Variants in ATRIP observed in about 807,000 individuals in gnomAD.
The protein encoded by ATRIP is ATR-interacting protein.
Under a neutral mutation model 78.1 loss-of-function variants are expected in ATRIP, and 44 were observed. That is an observed-to-expected ratio of 0.56 (90% CI 0.44 to 0.72). ATRIP has a LOEUF of 0.72. Ranked by LOEUF, ATRIP falls within the 30% of genes least tolerant of loss-of-function variation. ATRIP has a pLI of 0.00. For missense variants in ATRIP, 927 were observed against 980.2 expected (o/e 0.95, Z 0.72); for synonymous variants, 388 against 408.9 (o/e 0.95, Z 0.62).
intron 3 of ATRIP, among the ~76,000 whole-genome samples, chr3:48,453,241 C>T (rs1356664303): frequency 6.6e-6 from 1 of 152,174 alleles, no homozygotes; most frequent in African/African-American, 2.4e-5. Flanking sequence ...GTATCCAGTA[C>T]CTACTACAAC....
intron 3 of ATRIP, among the ~76,000 whole-genome samples, chr3:48,452,652 G>A (rs1167671527): frequency 6.6e-6 from 1 of 152,048 alleles, no homozygotes; most frequent in Non-Finnish European, 1.5e-5. Flanking sequence ...CCATGATCAT[G>A]CCATTGTACT....
At chr3:48,454,241 C>T in intron 3 of ATRIP, 59 bp from the exon 4 acceptor site, 2 of 956,648 alleles carry the variant, frequency 2.1e-6, no homozygotes, top group Non-Finnish European at 1.7e-6. Flanking sequence ...TTTTGAAGCC[C>T]AGAGATATTT....
At chr3:48,455,772 A>G (rs2039939903) in intron 4 of ATRIP, among the ~76,000 whole-genome samples, 1 of 151,914 alleles carries the variant, frequency 6.6e-6, no homozygotes, top group African/African-American at 2.4e-5. Context: ...TGTTGGGATT[A>G]CAAGGGTGAG....
intron 6 of ATRIP, 45 bp from the exon 7 acceptor site, chr3:48,459,742 G>C: frequency 1.3e-6 from 2 of 1,594,418 alleles, no homozygotes; most frequent in Non-Finnish European, 1.7e-6. Context: ...CCACCGAAAA[G>C]ATCTCCCATG....
chr3:48,466,721 T>G lies in ATRIP; in HGVS notation c.*1167T>G. On this transcript the variant is annotated 3_prime_UTR_variant, in exon 13 of 13. Coordinates refer to ENST00000320211, the MANE Select transcript of ATRIP (RefSeq NM_130384.3). ...TCATCTTTTTCGACATGGAGGCCAC[T>G]GGCTTGCCCTTCTCCCAGCCCAAGG... 1 of 1,614,058 alleles carries G rather than the reference T, an allele frequency of 6.2e-7. No homozygotes were observed. The highest frequency in any genetic ancestry group is 8.5e-7 in the Non-Finnish European group (1 of 1,180,018).
chr3:48,451,970 A>C, intron 3 of ATRIP, 71 bp downstream of exon 3: 3 of 1,425,100 alleles, frequency 2.1e-6, no homozygotes, highest in Non-Finnish European at 2.8e-6. Context: ...GTTGCCTGTA[A>C]ATCTTCCAGG....
In ATRIP at chr3:48,463,787, A is replaced by G. The variant is rs2040185245; in HGVS notation, c.1788A>G (p.Pro596=). ...VFQVLPKCLS[P]ETPLPSVLLA... ...AAGTGCTGCCAAAGTGCCTCAGCCC[A>G]GAGACACCCCTGCCTAGCGTGCTGC... Residue 596 remains proline (P), a synonymous_variant, in exon 9 of 13, where the codon CCA becomes CCG. Coordinates refer to ENST00000320211, the MANE Select transcript of ATRIP (RefSeq NM_130384.3). The G allele has an allele frequency of 6.2e-7, 1 of 1,614,174 alleles. No homozygotes were observed. The highest frequency in any genetic ancestry group is 8.5e-7 in the Non-Finnish European group (1 of 1,180,014).
rs1170856343 is a variant in ATRIP, at chr3:48,466,181, GGGCGGGCCTGGCTCACGTGGGCCTGTA to G, written c.*636_*662del. ...GACAGACCAGGCAGGCTGACGAGCA[GGGCGGGCCTGGCTCACGTGGGCCTGTA>G]GGCGGGCCCACGCCAAGTTTCACTT... On this transcript the variant is annotated 3_prime_UTR_variant, in exon 13 of 13. Coordinates refer to ENST00000320211, the MANE Select transcript of ATRIP (RefSeq NM_130384.3). 3 of 520,164 alleles carry G rather than the reference GGGCGGGCCTGGCTCACGTGGGCCTGTA, an allele frequency of 5.8e-6. No individual in the cohort carries two copies. The highest frequency in any genetic ancestry group is 3.5e-5 in the East Asian group (1 of 28,778). 32.2% of individuals were successfully genotyped at this position (520,164 alleles called of 1,614,324 possible).
chr3:48,465,358 T>C, intron 12 of ATRIP, 129 bp from the exon 13 acceptor site: 2 of 982,142 alleles, frequency 2.0e-6, no homozygotes, highest in East Asian at 2.6e-5. Context: ...TTGCAGTAGC[T>C]GAGGGAGCAG....
In ATRIP at chr3:48,459,385, G is replaced by T; in HGVS notation, c.856G>T (p.Asp286Tyr). 6.2e-7 allele frequency: 1 copy of T among 1,614,068 alleles called. No individual in the cohort carries two copies. The highest frequency in any genetic ancestry group is 1.1e-5 in the South Asian group (1 of 91,070). Residue 286 changes from aspartate (D) to tyrosine (Y), a missense_variant, in exon 6 of 13, where the codon GAC becomes TAC. Asp to Tyr is a radical substitution (Grantham distance 160). Transcript: ENST00000320211. ...EDSKPHSLRGDSIKQEEAQKS... is the reference protein window; with the variant it reads ...EDSKPHSLRGYSIKQEEAQKS... ...TAGTAAGCCCCACAGTCTGAGAGGTGACTCCATAAAACAAGAAGAGGCCCA... is the reference window on the plus strand; with the variant it reads ...TAGTAAGCCCCACAGTCTGAGAGGTTACTCCATAAAACAAGAAGAGGCCCA...
At position 48,464,026 on chromosome 3, in the gene ATRIP, C is replaced by T. The variant is rs370016093; in HGVS notation, c.1883-15C>T. The T allele has an allele frequency of 1.4e-5, 23 of 1,611,396 alleles. No homozygotes were observed. The highest frequency in any genetic ancestry group is 5.3e-5 in the African/African-American group (4 of 74,824). ...GAAAGGGCACCCTGAGTGAGAGGTG[C>T]GCTGTCCTTTTCAGAAGGCTGCCTC... is the stretch of plus-strand genomic sequence containing the variant. On this transcript the variant is annotated splice_polypyrimidine_tract_variant and intron_variant, in intron 9 of 12. Coordinates refer to ENST00000320211, the MANE Select transcript of ATRIP (RefSeq NM_130384.3).
chr3:48,459,992 C>T, intron 7 of ATRIP, 76 bp downstream of exon 7: 4 of 1,562,154 alleles, frequency 2.6e-6, no homozygotes, highest in Non-Finnish European at 3.5e-6. Flanking sequence ...CCCTGGCCAG[C>T]CTGAGAAGTC....
chr3:48,449,911 C>T lies in ATRIP; in HGVS notation c.248-126C>T, dbSNP rs544712272. 137 of 1,056,130 alleles carry T rather than the reference C, an allele frequency of 1.3e-4. 1 individual carries two copies. The highest frequency in any genetic ancestry group is 5.7e-4 in the Middle Eastern group (2 of 3,480). The allele number at this position is 1,056,130 out of a possible 1,614,324, so 65.4% of individuals were successfully genotyped here. Reference sequence around the variant, plus strand: ...AGTGATCACACCACTGCACTCCAACCTGGGTAACAGAGCAAGACCCTATCT... The same window carrying T: ...AGTGATCACACCACTGCACTCCAACTTGGGTAACAGAGCAAGACCCTATCT... On this transcript the variant is annotated intron_variant, in intron 1 of 12. Coordinates refer to ENST00000320211, the MANE Select transcript of ATRIP (RefSeq NM_130384.3).
intron 4 of ATRIP, 21 bp downstream of exon 4, chr3:48,454,439 A>G (rs753090362): frequency 1.7e-5 from 27 of 1,563,510 alleles, no homozygotes; most frequent in Non-Finnish European, 2.2e-5. Context: ...TGCTGGAGGG[A>G]TAGTTCAGTT....
intron 7 of ATRIP, 34 bp from the exon 8 acceptor site, chr3:48,460,076 C>T (rs375560807): frequency 1.0e-5 from 16 of 1,583,464 alleles, no homozygotes; most frequent in Admixed American, 1.8e-5. Context: ...CTCCATCCCA[C>T]ACTTAATCTA....
intron 3 of ATRIP, among the ~76,000 whole-genome samples, chr3:48,453,979 C>T (rs1192435178): frequency 6.6e-6 from 1 of 151,870 alleles, no homozygotes; most frequent in East Asian, 1.9e-4. Flanking sequence ...AGGCTGGTCT[C>T]GAACTCCTGG....
In ATRIP at chr3:48,446,903, C is replaced by T. The variant is rs750978381; in HGVS notation, c.58C>T (p.Pro20Ser). The T allele has an allele frequency of 8.6e-6, 12 of 1,388,578 alleles. No homozygotes were observed. In the East Asian group the frequency reaches 1.1e-4, roughly 13 times the overall value. 86.0% of individuals were successfully genotyped at this position (1,388,578 alleles called of 1,614,324 possible). ...KRRSEPPAPR[P>S]GPPPGTGHPP... is the part of the protein sequence containing the mutation. ...GCGGAGCGAGCCCCCGGCGCCTCGC[C>T]CCGGCCCGCCGCCGGGCACCGGGCA... Residue 20 changes from proline (P) to serine (S), a missense_variant, in exon 1 of 13, where the codon CCC becomes TCC. Coordinates refer to ENST00000320211, the MANE Select transcript of ATRIP (RefSeq NM_130384.3).
Position 48,466,581 on chromosome 3 carries a change from C to T in ATRIP, c.*1027C>T, listed in dbSNP as rs1242427237. On this transcript the variant is annotated 3_prime_UTR_variant, in exon 13 of 13. Coordinates refer to ENST00000320211, the MANE Select transcript of ATRIP (RefSeq NM_130384.3). ...ACCCCCTACCCCACTCCCTCCCCTTCGGATCTTAACACTGGGCACTCACAC... is the reference window on the plus strand; with the variant it reads ...ACCCCCTACCCCACTCCCTCCCCTTTGGATCTTAACACTGGGCACTCACAC... 16 of 1,613,690 alleles carry T rather than the reference C, an allele frequency of 9.9e-6. No homozygotes were observed. The highest frequency in any genetic ancestry group is 3.3e-4 in the Middle Eastern group (2 of 6,084).
At chr3:48,452,685 A>C (rs2039862905) in intron 3 of ATRIP, among the ~76,000 whole-genome samples, 2 of 151,874 alleles carry the variant, frequency 1.3e-5, no homozygotes, top group African/African-American at 4.8e-5. Flanking sequence ...ATAGAGCGAG[A>C]CCCTGTTTCA....
Sources: gnomAD v4.1 joint callset for allele counts (sites outside exome capture counted in the v4.1 genomes callset) on GRCh38, gnomAD v4.1.1 for gene constraint, MANE v1.5 for transcripts, NCBI Gene and HGNC (gene_info 2026-07-23, HGNC 2026-07-21) for gene names.